Variants in SLC25A26 observed in about 807,000 individuals in gnomAD.
The protein encoded by SLC25A26 is solute carrier family 25 member 26, also known as mitochondrial S-adenosylmethionine carrier protein.
Under a neutral mutation model 37.8 loss-of-function variants are expected in SLC25A26, and 36 were observed. That is an observed-to-expected ratio of 0.95 (90% CI 0.73 to 1.26). SLC25A26 has a LOEUF of 1.26. Ranked by LOEUF, SLC25A26 falls within the 50% of genes most tolerant of loss-of-function variation. The pLI is 0.00. For missense variants in SLC25A26, 390 were observed against 331.1 expected (o/e 1.18, Z -1.38); for synonymous variants, 129 against 122.5 (o/e 1.05, Z -0.35).
intron 1 of SLC25A26, among the ~76,000 whole-genome samples, chr3:66,135,378 G>A (rs532088438): frequency 6.6e-6 from 1 of 152,148 alleles, no homozygotes; most frequent in African/African-American, 2.4e-5. Flanking sequence ...AATTTGAAGC[G>A]GCCTTAAAGT....
At chr3:66,194,651 C>G (rs1189423184) in intron 1 of SLC25A26, among the ~76,000 whole-genome samples, 2 of 152,238 alleles carry the variant, frequency 1.3e-5, no homozygotes, top group Non-Finnish European at 2.9e-5. Context: ...GTCGCCCAGG[C>G]TGGAGTGCAA....
intron 6 of SLC25A26, among the ~76,000 whole-genome samples, chr3:66,352,442 GT>G (rs58389048): frequency 0.21 from 27,031 of 128,878 alleles, 3,726 homozygotes; most frequent in East Asian, 0.69. Flanking sequence ...TTTGTTTTTT[GT>G]TTTTTTTTTT....
At chr3:66,216,594 A>G (rs1576644893), upstream of SLC25A26, among the ~76,000 whole-genome samples, 1 of 152,174 alleles carries the variant, frequency 6.6e-6, no homozygotes, top group Non-Finnish European at 1.5e-5. Context: ...GTCCTGGTTG[A>G]AGATTATGTC....
chr3:66,233,787 A>G (rs1385408474), intron 1 of SLC25A26, among the ~76,000 whole-genome samples: 10 of 152,108 alleles, frequency 6.6e-5, no homozygotes, highest in Non-Finnish European at 1.2e-4. Context: ...TCCTTGAGTG[A>G]TGTTTTACCA....
intron 1 of SLC25A26, among the ~76,000 whole-genome samples, chr3:66,230,856 C>T (rs1462369176): frequency 2.0e-5 from 3 of 146,878 alleles, no homozygotes. Flanking sequence ...AGAGAAAAAC[C>T]TAAGCAGAAG....
chr3:66,346,485 C>T, intron 6 of SLC25A26, 77 bp downstream of exon 6: 1 of 480,952 alleles, frequency 2.1e-6, no homozygotes, highest in Non-Finnish European at 3.1e-6. Flanking sequence ...AAGAGTAGAA[C>T]ATAATGTTGA....
chr3:66,168,392 A>G (rs1214736771), intron 1 of SLC25A26, among the ~76,000 whole-genome samples: 1 of 152,066 alleles, frequency 6.6e-6, no homozygotes, highest in Non-Finnish European at 1.5e-5. Context: ...AGATGAATCC[A>G]TTATAGCAGC....
chr3:66,176,225 GT>G (rs2070585073), intron 1 of SLC25A26, among the ~76,000 whole-genome samples: 1 of 152,122 alleles, frequency 6.6e-6, no homozygotes, highest in African/African-American at 2.4e-5. Context: ...CTAATTAATT[GT>G]TTTGAAAAGC....
chr3:66,297,639 A>G lies in SLC25A26; in HGVS notation c.453+34260A>G, dbSNP rs900974497. Among the ~76,000 whole-genome samples the G allele has an allele frequency of 5.3e-5, 8 of 152,294 alleles. No homozygotes were observed. In the South Asian group the frequency reaches 6.2e-4, roughly 12 times the overall value. On this transcript the variant is annotated intron_variant, in intron 5 of 9. Transcript: ENST00000354883. ...TGGTAAACTATGACCTGTGGGCCTA[A>G]TCCAGATCACAGCCTGTTTTTGTAA...
chr3:66,141,001 A>G (rs1241593379), intron 1 of SLC25A26, among the ~76,000 whole-genome samples: 1 of 152,028 alleles, frequency 6.6e-6, no homozygotes, highest in East Asian at 1.9e-4. Flanking sequence ...ACTAGTCAAC[A>G]GACTACAGTA....
At chr3:66,208,870 G>GTGTATATATATATATATATATATA (rs1364331517) in intron 1 of SLC25A26, among the ~76,000 whole-genome samples, 2 of 55,902 alleles carry the variant, frequency 3.6e-5, no homozygotes, top group Non-Finnish European at 8.8e-5. Flanking sequence ...ATGGGTGTGT[G>GTGTATATATATATATATATATATA]TATATATATA....
chr3:66,313,949 G>C (rs886187592), intron 5 of SLC25A26, among the ~76,000 whole-genome samples: 6 of 152,116 alleles, frequency 3.9e-5, no homozygotes, highest in African/African-American at 1.4e-4. Flanking sequence ...AGGAATGCTT[G>C]TGACTTTTGC....
chr3:66,304,371 A>C (rs2075158223), intron 5 of SLC25A26: 1 of 452,692 alleles, frequency 2.2e-6, no homozygotes, highest in Non-Finnish European at 4.4e-6. Flanking sequence ...TCTCATATCT[A>C]AGCTAATATC....
chr3:66,298,943 A>G (rs1010355181), intron 5 of SLC25A26, among the ~76,000 whole-genome samples: 1 of 152,224 alleles, frequency 6.6e-6, no homozygotes, highest in Admixed American at 6.5e-5. Flanking sequence ...TATGCTAACA[A>G]GGGAAAAATT....
At chr3:66,194,448 T>A (rs2071006432) in intron 1 of SLC25A26, among the ~76,000 whole-genome samples, 2 of 152,356 alleles carry the variant, frequency 1.3e-5, no homozygotes, top group East Asian at 3.9e-4. Context: ...ACTGTCCTTA[T>A]CATCTGTAGT....
rs1199322248 is a variant in SLC25A26 at position 66,172,410 on chromosome 3, G to GAAAAAAAAAAAAAAAAA, written c.-354+38430_-354+38446dup. ...TGGGCCAGAGAGTGATACCTGTAAA[G>GAAAAAAAAAAAAAAAAA]AAAAAAAAAAAAAAAAAAAAGGAAA... On this transcript the variant is annotated intron_variant, in intron 1 of 10. Coordinates refer to the SLC25A26 transcript ENST00000676754. Among the ~76,000 whole-genome samples the GAAAAAAAAAAAAAAAAA allele has an allele frequency of 6.3e-4, 47 of 75,182 alleles. 1 individual carries two copies. The highest frequency in any genetic ancestry group is 1.5e-3 in the African/African-American group (30 of 20,190). The allele number at this position is 75,182 out of a possible 152,430, so 49.3% of individuals were successfully genotyped here. A position where few individuals can be genotyped will look rare whatever the true frequency, so the allele number is the denominator to read the frequency against.
rs36147154 is a variant in SLC25A26, at chr3:66,170,791, G to GTTT, written c.-354+36835_-354+36837dup. On this transcript the variant is annotated intron_variant, in intron 1 of 10. Transcript: ENST00000676754. ...CAAACATTTAATAGATGTGATTATT[G>GTTT]TTTTTTTTTTTTTTTTTTTTTTTTT... 8.4e-3 allele frequency among the ~76,000 whole-genome samples: 426 copies of GTTT among 50,920 alleles called. 82 individuals carry two copies. Among genetic ancestry groups the GTTT allele is most frequent in the Middle Eastern group, 0.043 (2 of 46 alleles). 33.4% of individuals were successfully genotyped at this position (50,920 alleles called of 152,430 possible).
At chr3:66,162,959 G>A (rs914648862) in intron 1 of SLC25A26, among the ~76,000 whole-genome samples, 3 of 152,224 alleles carry the variant, frequency 2.0e-5, no homozygotes, top group African/African-American at 7.2e-5. Context: ...CAAAGGGTCA[G>A]CCTGGATTGG....
intron 3 of SLC25A26, among the ~76,000 whole-genome samples, chr3:66,254,658 A>G (rs999699609): frequency 6.6e-6 from 1 of 152,230 alleles, no homozygotes; most frequent in Non-Finnish European, 1.5e-5. Context: ...ATAATTCTGG[A>G]GATGATAGTC....
Sources: gnomAD v4.1 joint callset for allele counts (sites outside exome capture counted in the v4.1 genomes callset) on GRCh38, gnomAD v4.1.1 for gene constraint, MANE v1.5 for transcripts, NCBI Gene and HGNC (gene_info 2026-07-23, HGNC 2026-07-21) for gene names.